The following RIMS2 variants were observed in gnomAD, a reference collection of about 807,000 sequenced individuals.
RIMS2 encodes regulating synaptic membrane exocytosis protein 2.
A neutral mutation model predicts 174.4 loss-of-function variants in RIMS2; 59 were observed. The ratio of observed to expected loss-of-function variants is 0.34; its 90% CI spans 0.27 to 0.42. The LOEUF (loss-of-function observed/expected upper bound fraction) is 0.42, where lower values mean the gene tolerates loss of function less well. Ranked by LOEUF, RIMS2 falls within the 10% of genes least tolerant of loss-of-function variation. The pLI, the probability that RIMS2 is intolerant of heterozygous loss-of-function variation, is 1.00. For synonymous variants in RIMS2, 606 were observed against 572.5 expected (o/e 1.06, Z -0.84); for missense variants, 1,620 against 1,666.3 (o/e 0.97, Z 0.48).
chr8:103,950,863 GA>G, intron 14 of RIMS2, among the ~76,000 whole-genome samples: 1 of 152,298 alleles, frequency 6.6e-6, no homozygotes, highest in East Asian at 1.9e-4. Context: ...CATTCATATA[GA>G]AAGTCAAATG....
At chr8:104,141,696 A>G (rs572842739) in intron 19 of RIMS2, among the ~76,000 whole-genome samples, 1 of 152,268 alleles carries the variant, frequency 6.6e-6, no homozygotes, top group South Asian at 2.1e-4. Context: ...ATTTATATTT[A>G]GTTTTGTAAA....
intron 19 of RIMS2, among the ~76,000 whole-genome samples, chr8:104,156,809 C>T (rs2098727053): frequency 6.6e-6 from 1 of 152,082 alleles, no homozygotes; most frequent in South Asian, 2.1e-4. Flanking sequence ...TGGATCCATC[C>T]TTCCTAATGC....
chr8:104,175,932 A>G (rs1586608434), intron 19 of RIMS2, among the ~76,000 whole-genome samples: 2 of 152,276 alleles, frequency 1.3e-5, no homozygotes, highest in South Asian at 2.1e-4. Context: ...GACAAGCTGT[A>G]TAATTCTCTT....
chr8:104,093,454 T>C lies in RIMS2; in HGVS notation c.3334+78839T>C. The stretch of plus-strand genomic sequence containing the variant: ...AATACTGACAACTTCTGCGTATTTG[T>C]CAATCTGTGTTAACAGTATCGATCA... On this transcript the variant is annotated intron_variant, in intron 19 of 23. Transcript: ENST00000504942. 1 of 1,566,678 alleles carries C rather than the reference T, an allele frequency of 6.4e-7. No individual in the cohort carries two copies. The highest frequency in any genetic ancestry group is 8.6e-7 in the Non-Finnish European group (1 of 1,159,700).
chr8:103,783,643 A>G (rs978084057), intron 3 of RIMS2, among the ~76,000 whole-genome samples: 26 of 152,090 alleles, frequency 1.7e-4, no homozygotes, highest in Non-Finnish European at 2.9e-4. Context: ...TATATGTGCC[A>G]CATTTTCTTA....
intron 1 of RIMS2, among the ~76,000 whole-genome samples, chr8:103,535,034 A>G (rs931088635): frequency 9.2e-5 from 14 of 152,128 alleles, no homozygotes; most frequent in African/African-American, 1.2e-4. Flanking sequence ...TATCCAGTTT[A>G]CTGTTGCCTC....
intron 1 of RIMS2, among the ~76,000 whole-genome samples, chr8:103,587,468 G>GAAAGAAA (rs35539559): frequency 0.058 from 5,551 of 96,388 alleles, 179 homozygotes; most frequent in Non-Finnish European, 0.072. Flanking sequence ...AAGAAAGAAA[G>GAAAGAAA]AAACTATGCA....
At chr8:104,031,713 A>G (rs1254388069) in intron 19 of RIMS2, among the ~76,000 whole-genome samples, 1 of 152,112 alleles carries the variant, frequency 6.6e-6, no homozygotes, top group Admixed American at 6.6e-5. Context: ...AAAAAGGTGA[A>G]TGGTACAATA....
intron 3 of RIMS2, among the ~76,000 whole-genome samples, chr8:103,817,570 C>T (rs964201828): frequency 6.6e-6 from 1 of 152,198 alleles, no homozygotes; most frequent in African/African-American, 2.4e-5. Flanking sequence ...CACTTGCGGT[C>T]AGGAGTTTGA....
chr8:104,019,257 C>A (rs1439289918), intron 19 of RIMS2, among the ~76,000 whole-genome samples: 1 of 152,120 alleles, frequency 6.6e-6, no homozygotes, highest in Non-Finnish European at 1.5e-5. Flanking sequence ...CTTCTTTTAT[C>A]AAATTTTCAC....
chr8:104,222,510 C>T (rs1256280530), intron 19 of RIMS2, among the ~76,000 whole-genome samples: 2 of 152,168 alleles, frequency 1.3e-5, no homozygotes, highest in Admixed American at 6.5e-5. Context: ...AGTACCCTAC[C>T]TTCCCACTTC....
chr8:103,627,109 C>T (rs577430151), intron 1 of RIMS2, among the ~76,000 whole-genome samples: 3 of 152,272 alleles, frequency 2.0e-5, no homozygotes, highest in African/African-American at 4.8e-5. Flanking sequence ...AAGACAGACA[C>T]TCCCAGAGCG....
chr8:104,066,804 A>G (rs2097113035), intron 19 of RIMS2, among the ~76,000 whole-genome samples: 1 of 152,108 alleles, frequency 6.6e-6, no homozygotes, highest in African/African-American at 2.4e-5. Context: ...GTCTCACTTT[A>G]TTGAATAGTT....
intron 19 of RIMS2, among the ~76,000 whole-genome samples, chr8:104,059,438 G>T (rs2096935743): frequency 6.6e-6 from 1 of 151,436 alleles, no homozygotes; most frequent in Non-Finnish European, 1.5e-5. Flanking sequence ...AGACTTTGCT[G>T]AAGTTGCTTA....
chr8:104,038,636 T>C (rs1318260680), intron 19 of RIMS2, among the ~76,000 whole-genome samples: 2 of 151,950 alleles, frequency 1.3e-5, no homozygotes, highest in Non-Finnish European at 2.9e-5. Flanking sequence ...TGAAGTCTGC[T>C]ATTCATTATA....
At chr8:104,145,431 C>T (rs993495481) in intron 19 of RIMS2, among the ~76,000 whole-genome samples, 4 of 151,694 alleles carry the variant, frequency 2.6e-5, no homozygotes, top group African/African-American at 9.7e-5. Context: ...AAAATATTGC[C>T]CATAATTACA....
intron 14 of RIMS2, among the ~76,000 whole-genome samples, chr8:103,959,804 A>G (rs1288646778): frequency 1.3e-5 from 2 of 152,164 alleles, no homozygotes; most frequent in Non-Finnish European, 1.5e-5. Flanking sequence ...ACAGAATTGT[A>G]CCTTTGGCTT....
intron 3 of RIMS2, among the ~76,000 whole-genome samples, chr8:103,839,223 C>T (rs1472770432): frequency 6.6e-6 from 1 of 152,146 alleles, no homozygotes; most frequent in Non-Finnish European, 1.5e-5. Context: ...TCTAATGTTT[C>T]TATTGACTTT....
chr8:103,871,274 A>T (rs372452514), intron 3 of RIMS2, among the ~76,000 whole-genome samples: 1 of 152,030 alleles, frequency 6.6e-6, no homozygotes, highest in African/African-American at 2.4e-5. Flanking sequence ...AGCGCCTGTA[A>T]TCCCAGCTAC....
Sources: allele counts gnomAD v4.1 joint callset (sites outside exome capture counted in the v4.1 genomes callset), GRCh38; gene constraint gnomAD v4.1.1; transcripts MANE v1.5; gene names NCBI Gene and HGNC (gene_info 2026-07-23, HGNC 2026-07-21).